The following PCDH15 variants were observed in gnomAD, a reference collection of about 807,000 sequenced individuals.
PCDH15 encodes the protein protocadherin related 15.
A neutral mutation model predicts 178.5 loss-of-function variants in PCDH15; 129 were observed. The observed-to-expected ratio is 0.72, with a 90% CI of 0.63 to 0.84. The LOEUF is 0.84. Among genes scored for constraint, PCDH15 ranks in the 40% least tolerant of loss-of-function variants. PCDH15 has a pLI of 0.00. For synonymous variants in PCDH15, 800 were observed against 732.0 expected (o/e 1.09, Z -1.50); for missense variants, 2,230 against 2,099.9 (o/e 1.06, Z -1.21).
intron 2 of PCDH15, among the ~76,000 whole-genome samples, chr10:54,627,455 A>C (rs1208689853): frequency 1.3e-5 from 2 of 152,146 alleles, no homozygotes; most frequent in African/African-American, 4.8e-5. Context: ...GGTTTTAAAA[A>C]TGGAAGTTTG....
intron 1 of PCDH15, among the ~76,000 whole-genome samples, chr10:54,775,831 A>C (rs1469990236): frequency 6.6e-6 from 1 of 152,178 alleles, no homozygotes; most frequent in African/African-American, 2.4e-5. Context: ...GCTTGCAGTG[A>C]GCCGAGATAG....
At chr10:54,406,337 G>GAATAAATA (rs952094796) in intron 3 of PCDH15, among the ~76,000 whole-genome samples, 1 of 150,582 alleles carries the variant, frequency 6.6e-6, no homozygotes, top group Non-Finnish European at 1.5e-5. Context: ...ATAAATAAAT[G>GAATAAATA]AATAAATAAA....
intron 2 of PCDH15, among the ~76,000 whole-genome samples, chr10:54,982,694 C>T (rs1839268066): frequency 6.6e-6 from 1 of 152,176 alleles, no homozygotes; most frequent in South Asian, 2.1e-4. Context: ...TTAGTAAAAT[C>T]TTATAAAATC....
At chr10:54,145,720 G>A (rs12244586) in intron 14 of PCDH15, among the ~76,000 whole-genome samples, 1 of 152,056 alleles carries the variant, frequency 6.6e-6, no homozygotes, top group Non-Finnish European at 1.5e-5. Context: ...GAACTAAAGA[G>A]AAGGGTGTAA....
In PCDH15 at chr10:55,394,223, A is replaced by ATT. The variant is rs11377560; in HGVS notation, c.-155-227574_-155-227573dup. Among the ~76,000 whole-genome samples, 576 of 150,570 alleles carry ATT rather than the reference A, an allele frequency of 3.8e-3. 5 individuals are homozygous for ATT. Among genetic ancestry groups the ATT allele is most frequent in the African/African-American group, 0.013 (533 of 41,088 alleles). ...AACCAGCTTCTACAACTATAACACT[A>ATT]TTTTTTTTTATGTTACTACTATTCT... On this transcript the variant is annotated intron_variant, in intron 2 of 5. Transcript: ENST00000613346.
At chr10:54,158,452 C>T (rs2045379847) in intron 13 of PCDH15, among the ~76,000 whole-genome samples, 1 of 152,146 alleles carries the variant, frequency 6.6e-6, no homozygotes. Flanking sequence ...ATCCCTCCCA[C>T]AATACTTGGG....
chr10:55,047,244 T>C (rs187699207), intron 2 of PCDH15, among the ~76,000 whole-genome samples: 79 of 152,044 alleles, frequency 5.2e-4, no homozygotes, highest in African/African-American at 1.9e-3. Flanking sequence ...TTCACTCATA[T>C]ATAGTAAGAG....
chr10:54,229,446 C>G (rs1178551726), intron 9 of PCDH15, among the ~76,000 whole-genome samples: 1 of 152,084 alleles, frequency 6.6e-6, no homozygotes, highest in Non-Finnish European at 1.5e-5. Flanking sequence ...TAAAATGTAG[C>G]TATCATTAAC....
chr10:55,119,277 C>T (rs562144033), intron 2 of PCDH15, among the ~76,000 whole-genome samples: 1 of 152,264 alleles, frequency 6.6e-6, no homozygotes, highest in Admixed American at 6.5e-5. Flanking sequence ...GAAGCTGACC[C>T]TATTCTTCAG....
chr10:54,556,695 T>G (rs2087322937), intron 2 of PCDH15, among the ~76,000 whole-genome samples: 1 of 147,596 alleles, frequency 6.8e-6, no homozygotes, highest in African/African-American at 2.5e-5. Flanking sequence ...ATTAGGAAAG[T>G]AAAGGAATAA....
At chr10:55,369,746 C>T (rs1845455717) in intron 2 of PCDH15, among the ~76,000 whole-genome samples, 1 of 151,950 alleles carries the variant, frequency 6.6e-6, no homozygotes, top group East Asian at 1.9e-4. Context: ...CCTTGCCTTA[C>T]TTATTCAACA....
At chr10:53,917,635 CT>C (rs374530094) in intron 25 of PCDH15, among the ~76,000 whole-genome samples, 3 of 151,924 alleles carry the variant, frequency 2.0e-5, no homozygotes, top group Non-Finnish European at 4.4e-5. Flanking sequence ...ACACTATGTT[CT>C]TTTTTTTCTT....
chr10:54,655,196 C>G (rs1339059678), intron 2 of PCDH15, among the ~76,000 whole-genome samples: 1 of 127,420 alleles, frequency 7.8e-6, no homozygotes, highest in Non-Finnish European at 1.6e-5. Context: ...GGGCACAGAG[C>G]GAGACTCCGT....
At chr10:55,590,662 A>T (rs1396659427) in intron 2 of PCDH15, among the ~76,000 whole-genome samples, 2 of 152,118 alleles carry the variant, frequency 1.3e-5, no homozygotes, top group Non-Finnish European at 2.9e-5. Flanking sequence ...AAAATATTAC[A>T]AAGGAATTCA....
At chr10:55,254,026 T>G (rs1218796847) in intron 1 of PCDH15, among the ~76,000 whole-genome samples, 3 of 152,196 alleles carry the variant, frequency 2.0e-5, no homozygotes, top group Non-Finnish European at 2.9e-5. Flanking sequence ...CTCAGCATCT[T>G]TTATACACAG....
chr10:54,569,677 T>C (rs949986590), intron 2 of PCDH15, among the ~76,000 whole-genome samples: 2 of 152,152 alleles, frequency 1.3e-5, no homozygotes, highest in African/African-American at 4.8e-5. Context: ...TTAAAAGTCT[T>C]GGATGTTATA....
At chr10:54,394,086 C>A (rs1285031885) in intron 3 of PCDH15, among the ~76,000 whole-genome samples, 1 of 151,898 alleles carries the variant, frequency 6.6e-6, no homozygotes, top group Admixed American at 6.6e-5. Context: ...GAAAATATGA[C>A]CATGTTATAA....
chr10:55,190,456 G>T (rs528580209), intron 1 of PCDH15, among the ~76,000 whole-genome samples: 1 of 151,778 alleles, frequency 6.6e-6, no homozygotes, highest in African/African-American at 2.4e-5. Flanking sequence ...AGTTTGAACG[G>T]TATCTGACAA....
At chr10:54,245,869 C>T (rs2055867745) in intron 8 of PCDH15, among the ~76,000 whole-genome samples, 1 of 151,906 alleles carries the variant, frequency 6.6e-6, no homozygotes, top group Admixed American at 6.6e-5. Context: ...GAAGGATATT[C>T]ATTGTACAAT....
Sources: allele counts gnomAD v4.1 joint callset (sites outside exome capture counted in the v4.1 genomes callset), GRCh38; gene constraint gnomAD v4.1.1; transcripts MANE v1.5; gene names NCBI Gene and HGNC (gene_info 2026-07-23, HGNC 2026-07-21).